The following RUFY3 variants were observed in gnomAD, a reference collection of about 807,000 sequenced individuals.
The protein encoded by RUFY3 is RUN and FYVE domain containing 3, also known as protein RUFY3.
A neutral mutation model predicts 84.0 loss-of-function variants in RUFY3; 34 were observed. The observed-to-expected ratio is 0.40, with a 90% CI of 0.31 to 0.54. The LOEUF (loss-of-function observed/expected upper bound fraction) is 0.54. Ranked by LOEUF, RUFY3 falls within the 20% of genes least tolerant of loss-of-function variation. The pLI is 0.39. For synonymous variants in RUFY3, 242 were observed against 252.9 expected, an observed-to-expected ratio of 0.96 and a Z score of 0.41; for missense variants, 507 against 736.8, an observed-to-expected ratio of 0.69 and a Z score of 3.61.
intron 16 of RUFY3, among the ~76,000 whole-genome samples, chr4:70,804,035 C>G (rs1178881244): frequency 3.9e-5 from 6 of 151,956 alleles, no homozygotes; most frequent in Admixed American, 2.0e-4. Flanking sequence ...AGGCCCAGTC[C>G]CCAGTGCTTT....
chr4:70,727,148 T>C (rs559009356), intron 1 of RUFY3, among the ~76,000 whole-genome samples: 50 of 151,784 alleles, frequency 3.3e-4, no homozygotes, highest in African/African-American at 1.2e-3. Flanking sequence ...GTGTTCTCTG[T>C]TTTTTTCAAG....
rs77108700 is a variant in RUFY3, at chr4:70,761,825, T to C, written c.179-694T>C. ...TAGTTTAAAGAATAATAAAATACCA[T>C]AATGCAAAGTTTGTTTAAGCCCTTT... On this transcript the variant is annotated intron_variant, in intron 1 of 17. Transcript: ENST00000381006. Among the ~76,000 whole-genome samples the C allele has an allele frequency of 3.2e-4, 49 of 152,336 alleles. No individual in the cohort carries two copies. The East Asian group carries it at 5.2e-3, about 16-fold the overall frequency.
At chr4:70,758,977 G>T (rs1724520738) in intron 1 of RUFY3, among the ~76,000 whole-genome samples, 1 of 152,008 alleles carries the variant, frequency 6.6e-6, no homozygotes, top group Admixed American at 6.6e-5. Context: ...GGCGGAGCTT[G>T]CAGTGAGCCG....
At chr4:70,783,960 G>A (rs1729354980) in intron 9 of RUFY3, among the ~76,000 whole-genome samples, 1 of 152,020 alleles carries the variant, frequency 6.6e-6, no homozygotes, top group African/African-American at 2.4e-5. Flanking sequence ...ACTCTCCCTA[G>A]GAATTCAAAT....
intron 8 of RUFY3, among the ~76,000 whole-genome samples, chr4:70,781,738 T>C (rs563869519): frequency 2.2e-4 from 34 of 152,332 alleles, no homozygotes; most frequent in Middle Eastern, 6.8e-3. Context: ...TGAGCTTCTC[T>C]GTGCTTACCA....
chr4:70,754,246 C>A (rs1471199442), intron 1 of RUFY3, among the ~76,000 whole-genome samples: 1 of 151,910 alleles, frequency 6.6e-6, no homozygotes, highest in Non-Finnish European at 1.5e-5. Flanking sequence ...AGAGATGGGG[C>A]TTCCCCATGT....
intron 1 of RUFY3, among the ~76,000 whole-genome samples, chr4:70,711,991 G>T (rs1560434865): frequency 1.3e-5 from 2 of 152,072 alleles, no homozygotes. Flanking sequence ...TTTATTGACA[G>T]AACAACAATT....
chr4:70,742,210 A>G (rs963363619), intron 1 of RUFY3, among the ~76,000 whole-genome samples: 10 of 152,210 alleles, frequency 6.6e-5, no homozygotes, highest in Non-Finnish European at 1.3e-4. Flanking sequence ...TTATCTTTTT[A>G]AAGTAGCACA....
intron 1 of RUFY3, among the ~76,000 whole-genome samples, chr4:70,738,993 G>A (rs9999208): frequency 0.092 from 13,930 of 151,718 alleles, 1,372 homozygotes; most frequent in African/African-American, 0.24. Flanking sequence ...GGGATTACAG[G>A]CATGAACCAC....
rs1043379147 is a variant in RUFY3, at chr4:70,793,795, G to C, written c.1348G>C (p.Ala450Pro). The C allele has an allele frequency of 1.2e-6, 2 of 1,614,006 alleles. No homozygotes were observed. Among genetic ancestry groups the C allele is most frequent in the Admixed American group, 3.3e-5 (2 of 60,000 alleles). ...IKQLEQRLRQ[A>P]ERSRQSAELD... is the part of the protein sequence containing the mutation. The stretch of plus-strand genomic sequence containing the variant: ...GTGGCTCACATCCAGATTGCGCCAG[G>C]CTGAGCGAAGCCGCCAATCTGCTGA... The change falls in exon 13 of 18, where the codon GCT becomes CCT. Residue 450 changes from alanine to proline, a missense_variant. Coordinates refer to ENST00000381006, the MANE Select transcript of RUFY3 (RefSeq NM_001037442.4).
Position 70,806,783 on chromosome 4 carries a change from G to A in RUFY3, c.*124G>A, listed in dbSNP as rs1050027675. On this transcript the variant is annotated 3_prime_UTR_variant, in exon 18 of 18. Transcript: ENST00000381006. ...CTAAAGAGTTGATAGGAATTTACTA[G>A]GTCCAGGGAGAAAAGGCAGTGGTTG... The A allele has an allele frequency of 8.3e-7, 1 of 1,208,294 alleles. No individual in the cohort carries two copies. Among genetic ancestry groups the A allele is most frequent in the East Asian group, 2.4e-5 (1 of 41,976 alleles). 74.8% of individuals were successfully genotyped at this position (1,208,294 alleles called of 1,614,324 possible).
At chr4:70,715,834 C>T (rs1741515548) in intron 1 of RUFY3, among the ~76,000 whole-genome samples, 1 of 152,044 alleles carries the variant, frequency 6.6e-6, no homozygotes. Flanking sequence ...AATCAGAAGA[C>T]CAGGCACAGT....
chr4:70,755,067 C>A (rs1373536180), intron 1 of RUFY3, among the ~76,000 whole-genome samples: 1 of 152,048 alleles, frequency 6.6e-6, no homozygotes, highest in East Asian at 1.9e-4. Context: ...CCATGCCCAG[C>A]TAATTTTTGT....
chr4:70,731,035 G>A (rs1262978604), intron 1 of RUFY3, among the ~76,000 whole-genome samples: 1 of 149,596 alleles, frequency 6.7e-6, no homozygotes, highest in Non-Finnish European at 1.5e-5. Context: ...CTTGGTGATT[G>A]CCATCTTTTT....
At chr4:70,750,879 T>C in intron 1 of RUFY3, among the ~76,000 whole-genome samples, 1 of 152,222 alleles carries the variant, frequency 6.6e-6, no homozygotes, top group South Asian at 2.1e-4. Context: ...ACTTAGTATA[T>C]GTTTTCAAGG....
At chr4:70,789,392 G>T in intron 11 of RUFY3, 103 bp from the exon 12 acceptor site, 1 of 1,100,780 alleles carries the variant, frequency 9.1e-7, no homozygotes, top group Non-Finnish European at 1.3e-6. Flanking sequence ...TGAAATATAT[G>T]AACATTTCTG....
At chr4:70,750,499 A>G (rs556668708) in intron 1 of RUFY3, among the ~76,000 whole-genome samples, 1 of 152,256 alleles carries the variant, frequency 6.6e-6, no homozygotes, top group East Asian at 1.9e-4. Context: ...ATGTCTAAAA[A>G]CTTTAGTGGT....
At chr4:70,710,764 A>G (rs1406203041) in intron 1 of RUFY3, among the ~76,000 whole-genome samples, 1 of 151,528 alleles carries the variant, frequency 6.6e-6, no homozygotes, top group Non-Finnish European at 1.5e-5. Flanking sequence ...TAATTTATAT[A>G]AAGAGATATG....
In RUFY3 at chr4:70,800,563, A is replaced by G. The variant is rs145768212; in HGVS notation, c.1622+358A>G. On this transcript the variant is annotated intron_variant, in intron 15 of 17. Coordinates refer to ENST00000381006, the MANE Select transcript of RUFY3 (RefSeq NM_001037442.4). ...CTTAACTTCTTAAATATATTTGAGTATGACTTGTTTCTACCTCTGTGCTAA... is the reference window on the plus strand; with the variant it reads ...CTTAACTTCTTAAATATATTTGAGTGTGACTTGTTTCTACCTCTGTGCTAA... 7.9e-5 allele frequency among the ~76,000 whole-genome samples: 12 copies of G among 152,340 alleles called. No individual in the cohort carries two copies. In the East Asian group the frequency reaches 9.6e-4, roughly 12 times the overall value.
Sources: gnomAD v4.1 joint callset for allele counts (sites outside exome capture counted in the v4.1 genomes callset) on GRCh38, gnomAD v4.1.1 for gene constraint, MANE v1.5 for transcripts, NCBI Gene and HGNC (gene_info 2026-07-23, HGNC 2026-07-21) for gene names.